The following RPS6KC1 variants were observed in gnomAD, a reference collection of about 807,000 sequenced individuals.
RPS6KC1 encodes inactive ribosomal protein S6 kinase delta-1.
A neutral mutation model predicts 103.8 loss-of-function variants in RPS6KC1; 54 were observed. That is an observed-to-expected ratio of 0.52 (90% confidence interval 0.42 to 0.65). The LOEUF (loss-of-function observed/expected upper bound fraction) is 0.65. RPS6KC1 is among the 30% of genes least tolerant of loss of function. The pLI, the probability that RPS6KC1 is intolerant of heterozygous loss-of-function variation, is 0.00. For synonymous variants in RPS6KC1, 439 were observed against 438.7 expected, an observed-to-expected ratio of 1.00 and a Z score of -0.01; for missense variants, 1,151 against 1,253.8, an observed-to-expected ratio of 0.92 and a Z score of 1.24.
the RPS6KC1 span, among the ~76,000 whole-genome samples, chr1:213,581,619 G>A: frequency 6.6e-6 from 1 of 152,056 alleles, no homozygotes; most frequent in Non-Finnish European, 1.5e-5. Context: ...CAGGAAAGGT[G>A]GCTCCAGCCA....
chr1:213,588,829 A>T, the RPS6KC1 span, among the ~76,000 whole-genome samples: 1 of 152,170 alleles, frequency 6.6e-6, no homozygotes, highest in South Asian at 2.1e-4. Context: ...AGGGGTCAGC[A>T]TGGCAAGTGA....
chr1:213,268,841 T>TA (rs1008327972), intron 14 of RPS6KC1, among the ~76,000 whole-genome samples: 483 of 149,774 alleles, frequency 3.2e-3, no homozygotes, highest in African/African-American at 0.011. Flanking sequence ...AGCAACCACT[T>TA]AAAAAAAAAC....
At chr1:213,165,084 ATCT>A (rs1485789645) in intron 6 of RPS6KC1, among the ~76,000 whole-genome samples, 1 of 151,752 alleles carries the variant, frequency 6.6e-6, no homozygotes, top group African/African-American at 2.4e-5. Flanking sequence ...CTATAGAGTC[ATCT>A]TTTTTTTTTT....
the RPS6KC1 span, among the ~76,000 whole-genome samples, chr1:213,461,053 A>C: frequency 3.3e-5 from 5 of 152,194 alleles, no homozygotes; most frequent in Non-Finnish European, 5.9e-5. Flanking sequence ...GTCTCAGCCC[A>C]AAATCTCCTT....
intron 3 of RPS6KC1, among the ~76,000 whole-genome samples, chr1:213,089,661 C>A (rs933651152): frequency 1.3e-5 from 2 of 152,064 alleles, no homozygotes; most frequent in African/African-American, 4.8e-5. Context: ...GGGGTTTCAC[C>A]ATGTTGGCCA....
chr1:213,514,986 T>A, the RPS6KC1 span, among the ~76,000 whole-genome samples: 2 of 152,240 alleles, frequency 1.3e-5, no homozygotes, highest in South Asian at 2.1e-4. Context: ...CCAGTGATGA[T>A]GAGCATTTTT....
chr1:213,734,919 G>C, the RPS6KC1 span, among the ~76,000 whole-genome samples: 1 of 151,992 alleles, frequency 6.6e-6, no homozygotes, highest in African/African-American at 2.4e-5. Context: ...TGTTGTTGTT[G>C]TTGTTGTTTG....
At chr1:213,446,789 G>T in the RPS6KC1 span, among the ~76,000 whole-genome samples, 3 of 152,142 alleles carry the variant, frequency 2.0e-5, no homozygotes, top group Non-Finnish European at 4.4e-5. Context: ...TTTAATTTTT[G>T]TCTTGCTTTT....
At chr1:213,058,015 G>A (rs1388992471) in intron 1 of RPS6KC1, among the ~76,000 whole-genome samples, 1 of 141,108 alleles carries the variant, frequency 7.1e-6, no homozygotes, top group Non-Finnish European at 1.5e-5. Context: ...CAATCTGCCT[G>A]TCTTGGCCTT....
chr1:213,520,988 C>T, the RPS6KC1 span, among the ~76,000 whole-genome samples: 197 of 152,246 alleles, frequency 1.3e-3, 1 homozygote, highest in African/African-American at 4.6e-3. Flanking sequence ...TAGTCTATAC[C>T]TAGTGCATTG....
At chr1:213,091,845 T>TG (rs1461127826) in intron 3 of RPS6KC1, among the ~76,000 whole-genome samples, 1 of 152,266 alleles carries the variant, frequency 6.6e-6, no homozygotes, top group Non-Finnish European at 1.5e-5. Flanking sequence ...AGTTATAGTT[T>TG]GTTTCATTTC....
At chr1:213,551,361 C>T in the RPS6KC1 span, among the ~76,000 whole-genome samples, 1 of 152,118 alleles carries the variant, frequency 6.6e-6, no homozygotes, top group East Asian at 1.9e-4. Context: ...AAGGAAAGTG[C>T]ACCAGGAAGT....
At chr1:213,116,937 G>C (rs977221124) in intron 4 of RPS6KC1, among the ~76,000 whole-genome samples, 1 of 152,010 alleles carries the variant, frequency 6.6e-6, no homozygotes, top group Non-Finnish European at 1.5e-5. Flanking sequence ...TAGTCTGATG[G>C]GCTTCCTTTT....
intron 12 of RPS6KC1, among the ~76,000 whole-genome samples, chr1:213,248,911 G>A (rs1558630265): frequency 6.6e-6 from 1 of 152,182 alleles, no homozygotes; most frequent in Non-Finnish European, 1.5e-5. Context: ...TTTTGATACA[G>A]AAGAGGTGAA....
chr1:213,805,405 C>T, the RPS6KC1 span, among the ~76,000 whole-genome samples: 2 of 151,902 alleles, frequency 1.3e-5, no homozygotes, highest in East Asian at 3.9e-4. Flanking sequence ...ACATTCTAAT[C>T]CTTTGTTGTC....
chr1:213,657,972 C>T, the RPS6KC1 span, among the ~76,000 whole-genome samples: 49 of 152,314 alleles, frequency 3.2e-4, no homozygotes, highest in Middle Eastern at 3.4e-3. Context: ...TTGCATGACT[C>T]AGCCACATAC....
the RPS6KC1 span, among the ~76,000 whole-genome samples, chr1:213,359,293 C>T: frequency 6.6e-6 from 1 of 152,132 alleles, no homozygotes. Context: ...TTGAATTGAT[C>T]CCTTTACCGT....
chr1:213,230,835 C>CAA (rs760471422), intron 9 of RPS6KC1, among the ~76,000 whole-genome samples: 967 of 54,158 alleles, frequency 0.018, 38 homozygotes, highest in African/African-American at 0.05. Flanking sequence ...GACCCTGTCT[C>CAA]AAAAAAAAAA....
At chr1:213,174,541 G>T (rs1283059194) in intron 7 of RPS6KC1, among the ~76,000 whole-genome samples, 1 of 151,834 alleles carries the variant, frequency 6.6e-6, no homozygotes, top group African/African-American at 2.4e-5. Flanking sequence ...ATGGTGGTAG[G>T]CGCCTATAAT....
Sources: allele counts gnomAD v4.1 joint callset (sites outside exome capture counted in the v4.1 genomes callset), GRCh38; gene constraint gnomAD v4.1.1; transcripts MANE v1.5; gene names NCBI Gene and HGNC (gene_info 2026-07-23, HGNC 2026-07-21).